Variants in NBAS observed in about 807,000 individuals in gnomAD.
NBAS encodes NBAS subunit of NRZ tethering complex, also known as NAG/BC035112 fusion.
NBAS carries 219 observed loss-of-function variants against 302.5 expected under a neutral mutation model. That is an observed-to-expected ratio of 0.72 (90% CI 0.65 to 0.81). The LOEUF (loss-of-function observed/expected upper bound fraction) is 0.81. Among genes scored for constraint, NBAS ranks in the 30% least tolerant of loss-of-function variants. NBAS has a pLI of 0.00. For synonymous variants in NBAS, 1,118 were observed against 1,021.6 expected (o/e 1.09, Z -1.80); for missense variants, 2,932 against 2,841.6 (o/e 1.03, Z -0.72).
At chr2:15,322,807 A>G (rs538977103) in intron 38 of NBAS, among the ~76,000 whole-genome samples, 2 of 152,330 alleles carry the variant, frequency 1.3e-5, no homozygotes, top group East Asian at 3.9e-4. Context: ...GTTTGACACT[A>G]TAAAATAGCC....
chr2:15,402,364 C>T, intron 25 of NBAS, 63 bp from the exon 26 acceptor site: 2 of 1,467,916 alleles, frequency 1.4e-6, no homozygotes, highest in South Asian at 2.3e-5. Context: ...TTTCCATATC[C>T]CAATACTACT....
chr2:15,014,871 A>G, the NBAS span, among the ~76,000 whole-genome samples: 1 of 151,732 alleles, frequency 6.6e-6, no homozygotes, highest in East Asian at 1.9e-4. Context: ...GAAAAGATAA[A>G]CAAAATTGAC....
chr2:15,526,522 A>C (rs1662921828), intron 9 of NBAS, among the ~76,000 whole-genome samples: 1 of 152,218 alleles, frequency 6.6e-6, no homozygotes. Context: ...ATAACTGAAA[A>C]TAAATAAAAA....
At chr2:15,506,433 G>C (rs187480921) in intron 10 of NBAS, among the ~76,000 whole-genome samples, 6 of 152,250 alleles carry the variant, frequency 3.9e-5, no homozygotes, top group Admixed American at 2.0e-4. Flanking sequence ...CAAATAATTT[G>C]ATTGCATCAG....
At chr2:15,375,580 T>C (rs1474074801) in intron 30 of NBAS, among the ~76,000 whole-genome samples, 1 of 152,184 alleles carries the variant, frequency 6.6e-6, no homozygotes, top group African/African-American at 2.4e-5. Context: ...ACATCTACTG[T>C]TGATTCAAGT....
the NBAS span, among the ~76,000 whole-genome samples, chr2:14,810,998 A>C: frequency 1.3e-5 from 2 of 152,242 alleles, no homozygotes; most frequent in Non-Finnish European, 1.5e-5. Context: ...AAGAACATCC[A>C]AAACATCATC....
At chr2:15,529,414 G>A (rs904643278) in intron 9 of NBAS, among the ~76,000 whole-genome samples, 2 of 152,052 alleles carry the variant, frequency 1.3e-5, no homozygotes, top group African/African-American at 2.4e-5. Flanking sequence ...GATCGCTTGA[G>A]CCCAGGAGGT....
At chr2:15,360,649 CTTTTTTTTTT>C (rs369254532) in intron 32 of NBAS, among the ~76,000 whole-genome samples, 1,838 of 123,268 alleles carry the variant, frequency 0.015, 40 homozygotes, top group African/African-American at 0.052. Context: ...CATGACCAGC[CTTTTTTTTTT>C]TTTTTTTTTT....
the NBAS span, among the ~76,000 whole-genome samples, chr2:14,981,981 G>T: frequency 1.3e-5 from 2 of 152,128 alleles, no homozygotes; most frequent in Admixed American, 6.5e-5. Context: ...ATCCATGCTT[G>T]CCGTAGTGAT....
chr2:14,823,621 T>C, the NBAS span, among the ~76,000 whole-genome samples: 1 of 152,342 alleles, frequency 6.6e-6, no homozygotes, highest in East Asian at 1.9e-4. Flanking sequence ...TTTTTCGAAA[T>C]GATTCGTTCA....
chr2:15,110,735 A>G, the NBAS span, among the ~76,000 whole-genome samples: 2 of 152,166 alleles, frequency 1.3e-5, no homozygotes, highest in Non-Finnish European at 2.9e-5. Context: ...CCCCAAAGGA[A>G]AGGACAGTCA....
At chr2:14,943,627 C>T in the NBAS span, among the ~76,000 whole-genome samples, 3 of 152,116 alleles carry the variant, frequency 2.0e-5, no homozygotes, top group African/African-American at 7.2e-5. Context: ...AATTAATAAC[C>T]CTTACCCTTG....
intron 44 of NBAS, among the ~76,000 whole-genome samples, chr2:15,262,106 G>A (rs911421558): frequency 6.6e-6 from 1 of 152,176 alleles, no homozygotes; most frequent in Non-Finnish European, 1.5e-5. Flanking sequence ...TGATTCAGGA[G>A]TGCTCTAACC....
chr2:15,226,625 C>T (rs1192905806), intron 47 of NBAS, among the ~76,000 whole-genome samples: 2 of 152,136 alleles, frequency 1.3e-5, no homozygotes, highest in Non-Finnish European at 2.9e-5. Context: ...CCTTAAAACA[C>T]TCAACTCTCA....
intron 50 of NBAS, among the ~76,000 whole-genome samples, chr2:15,184,216 C>T (rs1664964341): frequency 6.6e-6 from 1 of 151,996 alleles, no homozygotes; most frequent in Non-Finnish European, 1.5e-5. Flanking sequence ...ATCAAGTGGT[C>T]CCTATAGGTC....
chr2:15,387,735 G>A (rs7577130), intron 28 of NBAS, among the ~76,000 whole-genome samples: 94,009 of 151,664 alleles, frequency 0.62, 29,916 homozygotes, highest in Middle Eastern at 0.68. Flanking sequence ...GGGCTCAAGC[G>A]ATTCTCCAGC....
chr2:15,043,593 C>T, the NBAS span, among the ~76,000 whole-genome samples: 1 of 152,182 alleles, frequency 6.6e-6, no homozygotes, highest in Non-Finnish European at 1.5e-5. Flanking sequence ...GCATCACATG[C>T]CTCCAAGTGC....
At chr2:15,515,318 A>C (rs1477461854) in intron 9 of NBAS, among the ~76,000 whole-genome samples, 2 of 152,224 alleles carry the variant, frequency 1.3e-5, no homozygotes, top group Non-Finnish European at 2.9e-5. Flanking sequence ...GATGATAAGC[A>C]AATCTAAATC....
chr2:15,413,143 T>C (rs1354612736), intron 25 of NBAS, among the ~76,000 whole-genome samples: 1 of 152,266 alleles, frequency 6.6e-6, no homozygotes, highest in Non-Finnish European at 1.5e-5. Flanking sequence ...TTGCTCTGTA[T>C]GTATGTCTTG....
Sources: gnomAD v4.1 joint callset for allele counts (sites outside exome capture counted in the v4.1 genomes callset) on GRCh38, gnomAD v4.1.1 for gene constraint, MANE v1.5 for transcripts, NCBI Gene and HGNC (gene_info 2026-07-23, HGNC 2026-07-21) for gene names.